Variants in ENPP6 observed in about 807,000 individuals in gnomAD.
ENPP6 encodes the protein glycerophosphocholine cholinephosphodiesterase ENPP6.
A neutral mutation model predicts 42.0 loss-of-function variants in ENPP6; 32 were observed. That is an observed-to-expected ratio of 0.76 (90% CI 0.58 to 1.02). ENPP6 has a LOEUF of 1.02. ENPP6 is among the 50% of genes least tolerant of loss of function. The pLI is 0.00. For synonymous variants in ENPP6, 213 were observed against 216.0 expected, an observed-to-expected ratio of 0.99 and a Z score of 0.12; for missense variants, 552 against 566.8, an observed-to-expected ratio of 0.97 and a Z score of 0.27.
Position 184,206,251 on chromosome 4 carries a change from A to ATTTTTT in ENPP6, c.241+11322_241+11327dup, listed in dbSNP as rs1554000365. Among the ~76,000 whole-genome samples, 12 of 93,364 alleles carry ATTTTTT rather than the reference A, an allele frequency of 1.3e-4. 1 individual carries two copies. Among genetic ancestry groups the ATTTTTT allele is most frequent in the South Asian group, 6.9e-4 (2 of 2,894 alleles). 61.3% of individuals were successfully genotyped at this position (93,364 alleles called of 152,430 possible). On this transcript the variant is annotated intron_variant, in intron 1 of 7. Transcript: ENST00000296741. ...GAACAGCCCCTCAAAGGAAGCTTGA[A>ATTTTTT]TTTTTTTTTTTTTTTTTTTTTTTTG...
chr4:184,169,788 C>T (rs1432746442), intron 1 of ENPP6, among the ~76,000 whole-genome samples: 1 of 152,246 alleles, frequency 6.6e-6, no homozygotes, highest in Non-Finnish European at 1.5e-5. Context: ...AAAGTGATGA[C>T]TACCTACGTT....
At chr4:184,121,162 T>A (rs993958353) in intron 3 of ENPP6, among the ~76,000 whole-genome samples, 2 of 152,254 alleles carry the variant, frequency 1.3e-5, no homozygotes, top group Admixed American at 1.3e-4. Flanking sequence ...CCAATGGCTG[T>A]TAAAGCACTA....
intron 1 of ENPP6, among the ~76,000 whole-genome samples, chr4:184,161,124 A>G (rs954928485): frequency 2.0e-5 from 3 of 152,234 alleles, no homozygotes; most frequent in Non-Finnish European, 4.4e-5. Context: ...AGACTGGGAG[A>G]AAATCTTCTC....
chr4:184,095,228 T>C lies in ENPP6; in HGVS notation c.1117+2017A>G, dbSNP rs377386496. Reference sequence around the variant, plus strand: ...TCTGTAAAAGACTGGGCGCTTTTAGTGTTACAGGAACCTGTGATGGAGGCC... The same window carrying C: ...TCTGTAAAAGACTGGGCGCTTTTAGCGTTACAGGAACCTGTGATGGAGGCC... On this transcript the variant is annotated intron_variant, in intron 7 of 7. Coordinates refer to ENST00000296741, the MANE Select transcript of ENPP6 (RefSeq NM_153343.4). Among the ~76,000 whole-genome samples the C allele has an allele frequency of 2.6e-5, 4 of 152,332 alleles. No individual in the cohort carries two copies. In the East Asian group the frequency reaches 7.7e-4, roughly 29 times the overall value.
rs1732602996 is a variant in ENPP6, at chr4:184,184,694, C to G, written c.242-30961G>C. ...AGGTCTTATAAGGAAGGGAGACAGT[C>G]ACATGTCAATAGAGGCAGAGGTGGA... is the stretch of plus-strand genomic sequence containing the variant. On this transcript the variant is annotated intron_variant, in intron 1 of 7. Transcript: ENST00000296741. The surrounding 1 kb of genome is among the most constrained non-coding windows in gnomAD (Gnocchi z 4.7). Among the ~76,000 whole-genome samples, 2 of 152,096 alleles carry G rather than the reference C, an allele frequency of 1.3e-5. No homozygotes were observed. Among genetic ancestry groups the G allele is most frequent in the Admixed American group, 1.3e-4 (2 of 15,264 alleles).
At chr4:184,209,085 T>C (rs1331595137) in intron 1 of ENPP6, among the ~76,000 whole-genome samples, 3 of 148,692 alleles carry the variant, frequency 2.0e-5, no homozygotes, top group Non-Finnish European at 3.0e-5. Flanking sequence ...AACCCATCTG[T>C]ACATCACCGT....
At chr4:184,096,332 G>A (rs1362646500) in intron 7 of ENPP6, among the ~76,000 whole-genome samples, 1 of 152,164 alleles carries the variant, frequency 6.6e-6, no homozygotes, top group Admixed American at 6.5e-5. Flanking sequence ...GGACTTTTGT[G>A]GGCTGAAACA....
chr4:184,209,224 A>G (rs565931001), intron 1 of ENPP6, among the ~76,000 whole-genome samples: 12 of 151,612 alleles, frequency 7.9e-5, no homozygotes, highest in Admixed American at 7.9e-4. Context: ...CAATGGAACA[A>G]AGCTGGATGG....
chr4:184,125,609 GCATCCCTT>G (rs1244844226), intron 2 of ENPP6, among the ~76,000 whole-genome samples: 1 of 152,108 alleles, frequency 6.6e-6, no homozygotes. Context: ...CCTCCAGAAA[GCATCCCTT>G]CATCTGGCAT....
At chr4:184,103,258 A>G (rs561328548) in intron 6 of ENPP6, among the ~76,000 whole-genome samples, 38 of 152,220 alleles carry the variant, frequency 2.5e-4, no homozygotes, top group Non-Finnish European at 4.7e-4. Context: ...CCTTTCAACT[A>G]CTGAAAGTAT....
At chr4:184,159,299 T>C (rs1249116012) in intron 1 of ENPP6, among the ~76,000 whole-genome samples, 1 of 152,236 alleles carries the variant, frequency 6.6e-6, no homozygotes, top group African/African-American at 2.4e-5. Flanking sequence ...ACCTGGAGCA[T>C]TATCCAACAA....
chr4:184,169,808 C>A (rs1250456559), intron 1 of ENPP6, among the ~76,000 whole-genome samples: 2 of 152,360 alleles, frequency 1.3e-5, no homozygotes, highest in Admixed American at 6.5e-5. Context: ...TTACCTCTCA[C>A]GAAGAGCTTA....
chr4:184,195,780 T>C (rs1732784514), intron 1 of ENPP6, among the ~76,000 whole-genome samples: 1 of 152,244 alleles, frequency 6.6e-6, no homozygotes, highest in Non-Finnish European at 1.5e-5. Flanking sequence ...AACTGAGAAA[T>C]GCAGTATTTC....
At chr4:184,131,907 C>T (rs1168278744) in intron 2 of ENPP6, among the ~76,000 whole-genome samples, 1 of 152,030 alleles carries the variant, frequency 6.6e-6, no homozygotes, top group Non-Finnish European at 1.5e-5. Context: ...ATCCGCCATC[C>T]ACAAGCTGGA....
Position 184,153,575 on chromosome 4 carries a change from C to G in ENPP6, c.400G>C (p.Val134Leu), listed in dbSNP as rs533232624. The change falls in exon 2 of 8, where the codon GTC becomes CTC. Residue 134 changes from valine to leucine, a missense_variant. Physicochemically the swap from Val to Leu is conservative, Grantham distance 32. This residue lies in a region of ENPP6 where 545 missense variants were observed against 546.3 expected (regional missense o/e 1.00). Transcript: ENST00000296741. ...WVTLTKAKRKVYMYYWPGCEV... is the reference protein window; with the variant it reads ...WVTLTKAKRKLYMYYWPGCEV... The stretch of plus-strand genomic sequence containing the variant: ...TCACCTGGCCAGTAGTACATGTAGA[C>G]CTTCCTTTTGGCCTTGGTCAGAGTG... 1.5e-5 allele frequency: 25 copies of G among 1,613,820 alleles called. No homozygotes were observed. Among genetic ancestry groups the G allele is most frequent in the Non-Finnish European group, 2.0e-5 (24 of 1,179,920 alleles).
At chr4:184,185,058 C>T (rs546633845) in intron 1 of ENPP6, among the ~76,000 whole-genome samples, 151 of 152,184 alleles carry the variant, frequency 9.9e-4, no homozygotes, top group African/African-American at 3.5e-3. Flanking sequence ...TTTTCTGAAC[C>T]GATGAATTGT....
chr4:184,113,898 C>CTTTTCT (rs1736256935), intron 5 of ENPP6, among the ~76,000 whole-genome samples: 1 of 122,738 alleles, frequency 8.1e-6, no homozygotes, highest in Non-Finnish European at 1.8e-5. Flanking sequence ...TCCTTTCTTT[C>CTTTTCT]TTTTCTTTCT....
At chr4:184,168,535 C>T (rs1308675333) in intron 1 of ENPP6, among the ~76,000 whole-genome samples, 2 of 152,222 alleles carry the variant, frequency 1.3e-5, no homozygotes, top group South Asian at 2.1e-4. Flanking sequence ...AGACACTGCC[C>T]GCGGGGCTCC....
chr4:184,188,447 G>C (rs535185382), intron 1 of ENPP6, among the ~76,000 whole-genome samples: 1 of 151,980 alleles, frequency 6.6e-6, no homozygotes, highest in Non-Finnish European at 1.5e-5. Context: ...CCAAATTGAC[G>C]ATCTGGGGTC....
Sources: allele counts gnomAD v4.1 joint callset (sites outside exome capture counted in the v4.1 genomes callset), GRCh38; gene constraint gnomAD v4.1.1; regional missense constraint gnomAD v4.1.1; non-coding constraint Gnocchi (gnomAD v3.1); transcripts MANE v1.5; gene names NCBI Gene and HGNC (gene_info 2026-07-23, HGNC 2026-07-21).